RALYL: variants seen among roughly 807,000 people sequenced by gnomAD.
The protein encoded by RALYL is RALY RNA binding protein like.
RALYL carries 29 observed loss-of-function variants against 35.1 expected under a neutral mutation model. The ratio of observed to expected loss-of-function variants is 0.83; its 90% CI spans 0.61 to 1.13. The LOEUF is 1.13. Ranked by LOEUF, RALYL falls within the 50% of genes most tolerant of loss-of-function variation. The pLI is 0.00. For synonymous variants in RALYL, 120 were observed against 127.6 expected (o/e 0.94, Z 0.40); for missense variants, 359 against 360.4 (o/e 1.00, Z 0.03).
intron 1 of RALYL, among the ~76,000 whole-genome samples, chr8:84,486,408 G>GT (rs2054634655): frequency 6.6e-6 from 1 of 150,774 alleles, no homozygotes; most frequent in Admixed American, 6.6e-5. Flanking sequence ...CATTTATTTG[G>GT]TTATAATCAT....
At chr8:84,880,653 T>G (rs1194284246) in intron 7 of RALYL, among the ~76,000 whole-genome samples, 1 of 151,998 alleles carries the variant, frequency 6.6e-6, no homozygotes, top group Non-Finnish European at 1.5e-5. Context: ...TTACACCAAT[T>G]TATTGAGGTA....
At chr8:84,504,710 A>G (rs2057010826) in intron 1 of RALYL, among the ~76,000 whole-genome samples, 1 of 152,190 alleles carries the variant, frequency 6.6e-6, no homozygotes, top group Non-Finnish European at 1.5e-5. Context: ...AGCAAGTTGT[A>G]CATAATGTAT....
intron 2 of RALYL, among the ~76,000 whole-genome samples, chr8:84,576,766 T>A (rs1020601174): frequency 1.3e-5 from 2 of 152,224 alleles, no homozygotes; most frequent in Non-Finnish European, 1.5e-5. Context: ...AAGTTCTCAA[T>A]AATTGTAATA....
chr8:84,606,252 TG>T (rs1817118112), intron 2 of RALYL, among the ~76,000 whole-genome samples: 1 of 152,110 alleles, frequency 6.6e-6, no homozygotes. Flanking sequence ...CTCTGATAAT[TG>T]GTCTGCAGCA....
intron 8 of RALYL, among the ~76,000 whole-genome samples, chr8:84,908,914 A>G (rs184227812): frequency 1.3e-5 from 2 of 151,706 alleles, no homozygotes; most frequent in East Asian, 3.9e-4. Flanking sequence ...GAAACTCTGC[A>G]TGCAGATCGA....
intron 5 of RALYL, among the ~76,000 whole-genome samples, chr8:84,853,799 C>A (rs2134877911): frequency 6.6e-6 from 1 of 152,188 alleles, no homozygotes; most frequent in Non-Finnish European, 1.5e-5. Context: ...AATCCACAGT[C>A]ATTTCTCATA....
intron 4 of RALYL, among the ~76,000 whole-genome samples, chr8:84,849,179 G>A (rs1038403513): frequency 1.3e-5 from 2 of 152,102 alleles, no homozygotes; most frequent in Non-Finnish European, 2.9e-5. Context: ...GAGCTTAGTC[G>A]TAATACTGTT....
intron 1 of RALYL, among the ~76,000 whole-genome samples, chr8:84,267,522 A>G (rs1833557344): frequency 6.6e-6 from 1 of 152,172 alleles, no homozygotes; most frequent in Non-Finnish European, 1.5e-5. Flanking sequence ...TGCACACAGA[A>G]CTATCACTCA....
At chr8:84,287,897 A>T (rs1837973613) in intron 1 of RALYL, among the ~76,000 whole-genome samples, 2 of 152,190 alleles carry the variant, frequency 1.3e-5, no homozygotes, top group Admixed American at 1.3e-4. Flanking sequence ...TGGCTGAAGA[A>T]CAAACAATCC....
chr8:84,284,538 A>G (rs1335366567), intron 1 of RALYL, among the ~76,000 whole-genome samples: 2 of 152,194 alleles, frequency 1.3e-5, no homozygotes, highest in Admixed American at 6.5e-5. Context: ...CCAGTTATGT[A>G]GCTTTCAATT....
intron 1 of RALYL, among the ~76,000 whole-genome samples, chr8:84,214,440 C>A (rs991990537): frequency 6.6e-6 from 1 of 151,918 alleles, no homozygotes; most frequent in African/African-American, 2.4e-5. Context: ...ATAATATTTG[C>A]ATATATATTC....
chr8:84,486,709 A>G (rs944216415), intron 1 of RALYL, among the ~76,000 whole-genome samples: 8 of 152,108 alleles, frequency 5.3e-5, no homozygotes, highest in African/African-American at 1.9e-4. Flanking sequence ...TTCATAAAAA[A>G]CAATAAGTGG....
At chr8:84,830,375 A>T (rs963753488) in intron 4 of RALYL, among the ~76,000 whole-genome samples, 5 of 152,004 alleles carry the variant, frequency 3.3e-5, no homozygotes, top group Non-Finnish European at 5.9e-5. Context: ...AAAATTATCG[A>T]ACTAACAGAA....
chr8:84,314,315 G>A (rs916399856), intron 1 of RALYL, among the ~76,000 whole-genome samples: 14 of 151,666 alleles, frequency 9.2e-5, no homozygotes, highest in Admixed American at 9.2e-4. Flanking sequence ...TATCAATAAG[G>A]AAAAATAAAT....
At chr8:84,483,249 TTTC>T (rs765773691) in intron 1 of RALYL, among the ~76,000 whole-genome samples, 29 of 152,250 alleles carry the variant, frequency 1.9e-4, no homozygotes, top group Non-Finnish European at 3.2e-4. Flanking sequence ...CTATGATACT[TTTC>T]TAATACTCTA....
chr8:84,787,658 T>C (rs1819859407), intron 3 of RALYL, among the ~76,000 whole-genome samples: 1 of 152,216 alleles, frequency 6.6e-6, no homozygotes, highest in African/African-American at 2.4e-5. Flanking sequence ...AGTGTTTCTA[T>C]TTCTCCACAT....
chr8:84,704,851 G>A (rs576426660), intron 2 of RALYL, among the ~76,000 whole-genome samples: 3 of 152,292 alleles, frequency 2.0e-5, no homozygotes, highest in Admixed American at 2.0e-4. Context: ...CTTCTATGAA[G>A]AGTTATGGAG....
At chr8:84,363,088 T>G (rs73296872) in intron 1 of RALYL, among the ~76,000 whole-genome samples, 9,682 of 152,078 alleles carry the variant, frequency 0.064, 380 homozygotes, top group African/African-American at 0.086. Context: ...GGGCATGAAG[T>G]TATTGTAGGT....
At chr8:84,849,294 T>C (rs567317395) in intron 4 of RALYL, among the ~76,000 whole-genome samples, 1 of 152,320 alleles carries the variant, frequency 6.6e-6, no homozygotes, top group South Asian at 2.1e-4. Flanking sequence ...CTATTTAAAG[T>C]ATTGAATCCA....
Sources: gnomAD v4.1 joint callset for allele counts (sites outside exome capture counted in the v4.1 genomes callset) on GRCh38, gnomAD v4.1.1 for gene constraint, MANE v1.5 for transcripts, NCBI Gene and HGNC (gene_info 2026-07-23, HGNC 2026-07-21) for gene names.